Variants in PTPRT observed in about 807,000 individuals in gnomAD.
The protein encoded by PTPRT is receptor-type tyrosine-protein phosphatase T.
PTPRT carries 56 observed loss-of-function variants against 176.8 expected under a neutral mutation model. That is an observed-to-expected ratio of 0.32 (90% CI 0.26 to 0.40). The LOEUF is 0.40. PTPRT is among the 10% of genes least tolerant of loss of function. The pLI is 1.00. For synonymous variants in PTPRT, 783 were observed against 739.0 expected, an observed-to-expected ratio of 1.06 and a Z score of -0.96; for missense variants, 1,540 against 1,908.2, an observed-to-expected ratio of 0.81 and a Z score of 3.60.
At chr20:42,268,297 C>A (rs1208059962) in intron 13 of PTPRT, among the ~76,000 whole-genome samples, 1 of 152,192 alleles carries the variant, frequency 6.6e-6, no homozygotes, top group Non-Finnish European at 1.5e-5. Context: ...AGAGGAGGAA[C>A]ATTCAGACGC....
chr20:42,526,522 AT>A (rs1254267266), intron 7 of PTPRT, among the ~76,000 whole-genome samples: 1 of 152,054 alleles, frequency 6.6e-6, no homozygotes, highest in African/African-American at 2.4e-5. Context: ...TCTGTGACAT[AT>A]TTTTGGTAGA....
chr20:42,233,831 T>A (rs1279843217), intron 15 of PTPRT, among the ~76,000 whole-genome samples: 1 of 152,212 alleles, frequency 6.6e-6, no homozygotes. Flanking sequence ...TGGTATGAGC[T>A]TCCTGCTCTG....
chr20:42,879,474 C>A (rs58915514), intron 2 of PTPRT, among the ~76,000 whole-genome samples: 8,947 of 152,218 alleles, frequency 0.059, 708 homozygotes, highest in African/African-American at 0.18. Flanking sequence ...TATGACCAGC[C>A]TGACCTCATC....
At chr20:42,963,865 T>C (rs1982145194) in intron 1 of PTPRT, among the ~76,000 whole-genome samples, 1 of 152,128 alleles carries the variant, frequency 6.6e-6, no homozygotes, top group African/African-American at 2.4e-5. Flanking sequence ...AAAAGCAGAA[T>C]ATAATAGAAA....
chr20:42,101,491 C>T (rs1985931369), intron 26 of PTPRT, among the ~76,000 whole-genome samples: 1 of 152,076 alleles, frequency 6.6e-6, no homozygotes, highest in Non-Finnish European at 1.5e-5. Context: ...GGAACATGAC[C>T]CTAATCCCAA....
intron 1 of PTPRT, among the ~76,000 whole-genome samples, chr20:43,082,275 T>C (rs2011464704): frequency 7.1e-6 from 1 of 141,108 alleles, no homozygotes; most frequent in African/African-American, 2.7e-5. Flanking sequence ...CTCACCCTAT[T>C]TTGTGTTTTC....
Position 42,775,542 on chromosome 20 carries a change from A to G in PTPRT, c.569-3992T>C, listed in dbSNP as rs528053034. Among the ~76,000 whole-genome samples, 45 of 152,374 alleles carry G rather than the reference A, an allele frequency of 3.0e-4. No homozygotes were observed. In the South Asian group the frequency reaches 8.9e-3, roughly 30 times the overall value. On this transcript the variant is annotated intron_variant, in intron 4 of 30. Transcript: ENST00000373187. Reference sequence around the variant, plus strand: ...ACAGCAACAGAGGGTAACTAAGGATAGAATACTTTTAGAATAACACAAAAA... The same window carrying G: ...ACAGCAACAGAGGGTAACTAAGGATGGAATACTTTTAGAATAACACAAAAA...
intron 1 of PTPRT, among the ~76,000 whole-genome samples, chr20:43,148,441 T>C (rs1021982392): frequency 3.3e-5 from 5 of 152,152 alleles, no homozygotes; most frequent in African/African-American, 1.2e-4. Flanking sequence ...GCACTGTTGT[T>C]GTATGTCTCT....
chr20:42,748,771 C>A (rs2076727047), intron 6 of PTPRT, among the ~76,000 whole-genome samples: 1 of 152,212 alleles, frequency 6.6e-6, no homozygotes, highest in Non-Finnish European at 1.5e-5. Context: ...CCCCCAAGAG[C>A]AGCTCTCAAC....
intron 1 of PTPRT, among the ~76,000 whole-genome samples, chr20:42,980,565 TA>T (rs1463661030): frequency 3.9e-5 from 6 of 152,244 alleles, no homozygotes; most frequent in African/African-American, 4.8e-5. Context: ...AAGCTGTCTC[TA>T]AATGGTGACA....
At chr20:42,882,965 T>G (rs1380374414) in intron 2 of PTPRT, among the ~76,000 whole-genome samples, 1 of 152,200 alleles carries the variant, frequency 6.6e-6, no homozygotes, top group Non-Finnish European at 1.5e-5. Flanking sequence ...AGTCAGAACA[T>G]TCTGGCAATT....
intron 4 of PTPRT, among the ~76,000 whole-genome samples, chr20:42,771,848 C>A (rs967964341): frequency 4.6e-5 from 7 of 152,140 alleles, no homozygotes; most frequent in African/African-American, 1.7e-4. Context: ...AGACACATAT[C>A]CAGAGGGGGA....
chr20:42,345,549 T>TACACAC (rs1182618155), intron 11 of PTPRT, among the ~76,000 whole-genome samples: 2 of 141,134 alleles, frequency 1.4e-5, no homozygotes, highest in African/African-American at 2.6e-5. Flanking sequence ...CTAGTTACTA[T>TACACAC]ACACACACAC....
At chr20:43,038,515 A>G (rs776285611) in intron 1 of PTPRT, among the ~76,000 whole-genome samples, 6 of 152,242 alleles carry the variant, frequency 3.9e-5, no homozygotes, top group Non-Finnish European at 8.8e-5. Context: ...CAGTCATCAT[A>G]CTTAATAAAA....
At chr20:43,186,869 C>G (rs2015407276) in intron 1 of PTPRT, among the ~76,000 whole-genome samples, 1 of 152,196 alleles carries the variant, frequency 6.6e-6, no homozygotes, top group Admixed American at 6.5e-5. Flanking sequence ...AATTGCAAGT[C>G]AGTCCCCTAT....
At chr20:43,002,791 T>G (rs1984647726) in intron 1 of PTPRT, among the ~76,000 whole-genome samples, 1 of 151,906 alleles carries the variant, frequency 6.6e-6, no homozygotes, top group Admixed American at 6.6e-5. Flanking sequence ...TGTTAATTAT[T>G]TAAGAAATCA....
chr20:42,067,653 G>A, the PTPRT span, among the ~76,000 whole-genome samples: 2 of 152,148 alleles, frequency 1.3e-5, no homozygotes, highest in Non-Finnish European at 2.9e-5. Flanking sequence ...ACCTGAGCAG[G>A]AAATTAATAT....
intron 17 of PTPRT, among the ~76,000 whole-genome samples, chr20:42,143,809 T>C (rs1988741071): frequency 6.6e-6 from 1 of 152,094 alleles, no homozygotes; most frequent in Non-Finnish European, 1.5e-5. Flanking sequence ...ATGAAGTCAA[T>C]ATAGAGCACA....
At chr20:42,543,288 T>C (rs1271599726) in intron 7 of PTPRT, among the ~76,000 whole-genome samples, 1 of 152,216 alleles carries the variant, frequency 6.6e-6, no homozygotes, top group Non-Finnish European at 1.5e-5. Flanking sequence ...AGTAACTTTA[T>C]ATAATTTTCT....
Sources: allele counts gnomAD v4.1 joint callset (sites outside exome capture counted in the v4.1 genomes callset), GRCh38; gene constraint gnomAD v4.1.1; transcripts MANE v1.5; gene names NCBI Gene and HGNC (gene_info 2026-07-23, HGNC 2026-07-21).